The following ALMS1 variants were observed in gnomAD, a reference collection of about 807,000 sequenced individuals.
ALMS1 encodes ALMS1 centrosome and basal body associated protein.
Under a neutral mutation model 352.2 loss-of-function variants are expected in ALMS1, and 271 were observed. That is an observed-to-expected ratio of 0.77 (90% CI 0.70 to 0.85). ALMS1 has a LOEUF of 0.85. Ranked by LOEUF, ALMS1 falls within the 40% of genes least tolerant of loss-of-function variation. The pLI, the probability that ALMS1 is intolerant of heterozygous loss-of-function variation, is 0.00. For synonymous variants in ALMS1, 1,865 were observed against 1,761.2 expected (o/e 1.06, Z -1.48); for missense variants, 5,445 against 4,870.7 (o/e 1.12, Z -3.51).
In ALMS1 at chr2:73,424,412, T is replaced by G; in HGVS notation, c.765-18T>G. 6.9e-7 allele frequency: 1 copy of G among 1,446,616 alleles called. No homozygotes were observed. The highest frequency in any genetic ancestry group is 1.4e-5 in the African/African-American group (1 of 69,956). 89.6% of individuals were successfully genotyped at this position (1,446,616 alleles called of 1,614,324 possible). A position where few individuals can be genotyped will look rare whatever the true frequency, so the allele number is the denominator to read the frequency against. On this transcript the variant is annotated intron_variant, in intron 4 of 22. Transcript: ENST00000613296. ...TTTAATGTTATTTATTTATTTATTT[T>G]TAACTATATATTTTCAGGGGAATTC...
In ALMS1 at chr2:73,455,128, A is replaced by T. The variant is rs149884608; in HGVS notation, c.7541-34A>T. The T allele has an allele frequency of 1.2e-3, 1,869 of 1,611,468 alleles. 3 individuals are homozygous for T. The highest frequency in any genetic ancestry group is 1.5e-3 in the Admixed American group (89 of 60,008). On this transcript the variant is annotated intron_variant, in intron 8 of 22. Transcript: ENST00000613296. ...ATTGTTGACAAATTATCACTTTTGC[A>T]TTGTATTATCTCAAGTGTATGCTTT...
At chr2:73,430,597 G>A (rs2103730771) in intron 6 of ALMS1, among the ~76,000 whole-genome samples, 1 of 152,250 alleles carries the variant, frequency 6.6e-6, no homozygotes, top group East Asian at 1.9e-4. Flanking sequence ...CATATATGAT[G>A]GTAGTCCCAT....
At chr2:73,529,380 C>G (rs895258826) in intron 11 of ALMS1, among the ~76,000 whole-genome samples, 1 of 152,156 alleles carries the variant, frequency 6.6e-6, no homozygotes, top group Non-Finnish European at 1.5e-5. Flanking sequence ...CTGAAAGGTT[C>G]CACATCTCTG....
At position 73,601,222 on chromosome 2, in the gene ALMS1, A is replaced by G; in HGVS notation, c.11900A>G (p.Asn3967Ser). 6.2e-7 allele frequency: 1 copy of G among 1,614,180 alleles called. No individual in the cohort carries two copies. The highest frequency in any genetic ancestry group is 1.3e-5 in the African/African-American group (1 of 75,038). Residue 3967 changes from asparagine (N) to serine (S), a missense_variant, in exon 19 of 23, where the codon AAT becomes AGT. Asn to Ser is a conservative substitution (Grantham distance 46, BLOSUM62 1). Transcript: ENST00000613296. ...GTTTCCTGGTTTGTTCCTGTGGAAAATGTGGAGTCTAGATCAAAGAAGGAA... is the reference window on the plus strand; with the variant it reads ...GTTTCCTGGTTTGTTCCTGTGGAAAGTGTGGAGTCTAGATCAAAGAAGGAA... The part of the protein sequence containing the change: ...EGVSWFVPVE[N>S]VESRSKKENV...
intron 4 of ALMS1, 106 bp downstream of exon 4, chr2:73,423,080 C>T: frequency 1.0e-6 from 1 of 968,036 alleles, no homozygotes; most frequent in Non-Finnish European, 1.7e-6. Flanking sequence ...GGCTTAGATA[C>T]TCTTAGGACA....
At chr2:73,400,668 T>A (rs1670855639) in intron 1 of ALMS1, among the ~76,000 whole-genome samples, 2 of 152,250 alleles carry the variant, frequency 1.3e-5, no homozygotes. Context: ...TTTGACAGAT[T>A]ATCTTTTTTA....
chr2:73,505,709 T>C lies in ALMS1; in HGVS notation c.9540-14066T>C, dbSNP rs552964813. 5.9e-5 allele frequency among the ~76,000 whole-genome samples: 9 copies of C among 152,262 alleles called. No individual in the cohort carries two copies. The East Asian group carries it at 1.2e-3, about 20-fold the overall frequency. On this transcript the variant is annotated intron_variant, in intron 10 of 22. Coordinates refer to ENST00000613296, the MANE Select transcript of ALMS1 (RefSeq NM_001378454.1). Reference sequence around the variant, plus strand: ...GGATCTCAGCCCTTTTTCAGATGGATAGACTGCAAAATTTTCTACCATTCT... The same window carrying C: ...GGATCTCAGCCCTTTTTCAGATGGACAGACTGCAAAATTTTCTACCATTCT...
chr2:73,560,682 G>C (rs1036502301), intron 15 of ALMS1, among the ~76,000 whole-genome samples: 1 of 152,076 alleles, frequency 6.6e-6, no homozygotes, highest in Non-Finnish European at 1.5e-5. Flanking sequence ...AAGAAAATGG[G>C]AATTATTTGT....
chr2:73,599,633 A>C, intron 17 of ALMS1, 112 bp downstream of exon 17: 4 of 1,297,800 alleles, frequency 3.1e-6, no homozygotes, highest in Non-Finnish European at 4.4e-6. Flanking sequence ...ACTATATCCA[A>C]CTGCCAATTT....
chr2:73,414,156 A>G (rs1245934948), intron 2 of ALMS1, among the ~76,000 whole-genome samples: 1 of 152,144 alleles, frequency 6.6e-6, no homozygotes, highest in Admixed American at 6.5e-5. Context: ...TAATCCATAA[A>G]CATGACAGTT....
chr2:73,415,952 G>C (rs1047077926), intron 2 of ALMS1, among the ~76,000 whole-genome samples: 1 of 152,166 alleles, frequency 6.6e-6, no homozygotes, highest in South Asian at 2.1e-4. Flanking sequence ...AGTTGTCTCC[G>C]TGAAGTTAAA....
At chr2:73,594,028 G>C (rs1333596416) in intron 16 of ALMS1, among the ~76,000 whole-genome samples, 1 of 152,166 alleles carries the variant, frequency 6.6e-6, no homozygotes, top group Non-Finnish European at 1.5e-5. Context: ...GAACAAAACT[G>C]CTATGAATAT....
chr2:73,582,997 A>G (rs1385220848), intron 16 of ALMS1, among the ~76,000 whole-genome samples: 1 of 151,614 alleles, frequency 6.6e-6, no homozygotes, highest in Non-Finnish European at 1.5e-5. Flanking sequence ...TGCCACCAAC[A>G]ATGTACAAGG....
chr2:73,519,803 T>C lies in ALMS1; in HGVS notation c.9568T>C (p.Ser3190Pro), dbSNP rs1183730673. 1.2e-6 allele frequency: 2 copies of C among 1,613,964 alleles called. No homozygotes were observed. Among genetic ancestry groups the C allele is most frequent in the East Asian group, 2.2e-5 (1 of 44,882 alleles). Residue 3190 changes from serine to proline, a missense_variant, in exon 11 of 23, where the codon TCT (serine) becomes CCT (proline). Ser to Pro is a moderately conservative substitution (Grantham distance 74). Transcript: ENST00000613296. ...ACCAGAGAAGATGAAGACCCCACTTTCTGCTTTCTCTGAAAAATTGTCATC... is the reference window on the plus strand; with the variant it reads ...ACCAGAGAAGATGAAGACCCCACTTCCTGCTTTCTCTGAAAAATTGTCATC... ...RLPEKMKTPL[S>P]AFSEKLSSDA...
At chr2:73,513,193 T>G (rs903424777) in intron 10 of ALMS1, among the ~76,000 whole-genome samples, 6 of 152,154 alleles carry the variant, frequency 3.9e-5, no homozygotes, top group African/African-American at 9.7e-5. Context: ...CTTTTCACCC[T>G]GCTTGGGCTT....
At chr2:73,432,091 T>C in intron 6 of ALMS1, 107 bp from the exon 7 acceptor site, 1 of 826,600 alleles carries the variant, frequency 1.2e-6, no homozygotes, top group Non-Finnish European at 2.1e-6. Context: ...GCAGATGAGG[T>C]TTGAAATTAA....
chr2:73,452,727 A>G lies in ALMS1; in HGVS notation c.6200A>G (p.Gln2067Arg), dbSNP rs1377317319. Residue 2067 changes from glutamine to arginine, a missense_variant, in exon 8 of 23, where the codon CAA becomes CGA. Physicochemically the swap from Gln to Arg is conservative, Grantham distance 43 (BLOSUM62 1). Coordinates refer to ENST00000613296, the MANE Select transcript of ALMS1 (RefSeq NM_001378454.1). ...CAACAGCAGTTGCCAGATAGAGATC[A>G]AAGTAAAGGTATTCTAAAGATTTCA... ...LFQQQLPDRD[Q>R]SKGILKISAV... The G allele has an allele frequency of 3.1e-6, 5 of 1,613,664 alleles. No homozygotes were observed. Among genetic ancestry groups the G allele is most frequent in the Non-Finnish European group, 4.2e-6 (5 of 1,179,978 alleles).
At chr2:73,467,811 A>T (rs926017855) in intron 9 of ALMS1, among the ~76,000 whole-genome samples, 3 of 152,064 alleles carry the variant, frequency 2.0e-5, no homozygotes, top group Non-Finnish European at 4.4e-5. Context: ...CACACACGTT[A>T]TGGTTAGCAA....
intron 2 of ALMS1, among the ~76,000 whole-genome samples, chr2:73,418,865 T>C (rs1294887986): frequency 1.3e-5 from 2 of 152,224 alleles, no homozygotes; most frequent in Non-Finnish European, 1.5e-5. Flanking sequence ...GTAATTGTTT[T>C]ATATACACTG....
Sources: allele counts gnomAD v4.1 joint callset (sites outside exome capture counted in the v4.1 genomes callset), GRCh38; gene constraint gnomAD v4.1.1; transcripts MANE v1.5; gene names NCBI Gene and HGNC (gene_info 2026-07-23, HGNC 2026-07-21).